Variants in C16orf78 observed in about 807,000 individuals in gnomAD.
The protein encoded by C16orf78 is uncharacterized protein C16orf78.
Under a neutral mutation model 27.3 loss-of-function variants are expected in C16orf78, and 19 were observed. The observed-to-expected ratio is 0.70, with a 90% CI of 0.49 to 1.02. The LOEUF (loss-of-function observed/expected upper bound fraction) is 1.02, where lower values mean the gene tolerates loss of function less well. C16orf78 is among the 50% of genes least tolerant of loss of function. The pLI is 0.00. For synonymous variants in C16orf78, 130 were observed against 116.1 expected (o/e 1.12, Z -0.77); for missense variants, 339 against 337.0 (o/e 1.01, Z -0.05).
chr16:49,396,797 T>A, intron 4 of C16orf78, 119 bp downstream of exon 4: 1 of 1,331,156 alleles, frequency 7.5e-7, no homozygotes, highest in Non-Finnish European at 1.0e-6. Flanking sequence ...GGGCTTGGTG[T>A]GGCTGAGCTC....
At chr16:49,381,980 C>T (rs1266711165) in intron 3 of C16orf78, among the ~76,000 whole-genome samples, 2 of 151,840 alleles carry the variant, frequency 1.3e-5, no homozygotes, top group Non-Finnish European at 2.9e-5. Context: ...TTTATTGCGG[C>T]ATTATTCACA....
At chr16:49,395,665 A>G (rs1567395065) in intron 3 of C16orf78, among the ~76,000 whole-genome samples, 1 of 152,198 alleles carries the variant, frequency 6.6e-6, no homozygotes, top group Non-Finnish European at 1.5e-5. Flanking sequence ...GCCTTCACAC[A>G]TTCTGTTCCT....
At chr16:49,399,030 C>T (rs1198213406) in intron 4 of C16orf78, 101 bp from the exon 5 acceptor site, 15 of 1,303,366 alleles carry the variant, frequency 1.2e-5, no homozygotes, top group Non-Finnish European at 1.6e-5. Context: ...CCTTGCAGAG[C>T]ACCCACACTT....
chr16:49,398,152 T>C (rs1257804205), intron 4 of C16orf78, among the ~76,000 whole-genome samples: 2 of 152,038 alleles, frequency 1.3e-5, no homozygotes, highest in African/African-American at 4.8e-5. Flanking sequence ...AGTGTGGGGA[T>C]TGGTGAGGGG....
chr16:49,375,469 G>A (rs1381461879), intron 1 of C16orf78, among the ~76,000 whole-genome samples: 1 of 152,218 alleles, frequency 6.6e-6, no homozygotes, highest in East Asian at 1.9e-4. Context: ...CATGGCAAGA[G>A]CAAGAAGTGG....
At chr16:49,374,245 G>A (rs1005541499) in intron 1 of C16orf78, among the ~76,000 whole-genome samples, 156 bp downstream of exon 1, 2 of 152,160 alleles carry the variant, frequency 1.3e-5, no homozygotes, top group African/African-American at 4.8e-5. Flanking sequence ...TTAAGGGGGT[G>A]GGGGAATTAG....
intron 4 of C16orf78, among the ~76,000 whole-genome samples, 163 bp from the exon 5 acceptor site, chr16:49,398,968 C>T (rs1004795139): frequency 6.6e-6 from 1 of 152,148 alleles, no homozygotes; most frequent in African/African-American, 2.4e-5. Flanking sequence ...TGGGGTGTCC[C>T]ACTGTCTTAT....
At chr16:49,393,692 T>G (rs1368292486) in intron 3 of C16orf78, among the ~76,000 whole-genome samples, 2 of 151,978 alleles carry the variant, frequency 1.3e-5, no homozygotes, top group African/African-American at 4.8e-5. Context: ...GTTTAATAAG[T>G]AGAAGAAAGA....
At position 49,396,438 on chromosome 16, in the gene C16orf78, A is replaced by G. The variant is rs1469907544; in HGVS notation, c.410A>G (p.Asp137Gly). Residue 137 changes from aspartate (D) to glycine (G), a missense_variant, in exon 4 of 5, where the codon GAT becomes GGT. Coordinates refer to ENST00000299191, the MANE Select transcript of C16orf78 (RefSeq NM_144602.4). ...GPKKSDTDIKDAVDPESTQRP... is the reference protein window; with the variant it reads ...GPKKSDTDIKGAVDPESTQRP... ...CCAATTTCAGATACAGACATCAAGG[A>G]TGCAGTCGACCCAGAGTCCACTCAG... is the stretch of plus-strand genomic sequence containing the variant. The G allele has an allele frequency of 3.7e-6, 6 of 1,614,108 alleles. No individual in the cohort carries two copies. The highest frequency in any genetic ancestry group is 1.7e-5 in the Admixed American group (1 of 60,020).
chr16:49,380,602 G>T (rs1226605623), intron 3 of C16orf78, among the ~76,000 whole-genome samples: 1 of 152,164 alleles, frequency 6.6e-6, no homozygotes, highest in Admixed American at 6.5e-5. Context: ...AAGGCTTGGG[G>T]TCAACAGAGG....
At position 49,374,072 on chromosome 16, in the gene C16orf78, A is replaced by C; in HGVS notation, c.133A>C (p.Lys45Gln). 2 of 1,614,134 alleles carry C rather than the reference A, an allele frequency of 1.2e-6. No individual in the cohort carries two copies. The highest frequency in any genetic ancestry group is 1.7e-6 in the Non-Finnish European group (2 of 1,180,008). The change falls in exon 1 of 5, where the codon AAG becomes CAG. Residue 45 changes from lysine (K) to glutamine (Q), a missense_variant. Transcript: ENST00000299191. ...LEWLERRQGK[K>Q]KQAPEKQKPK... The stretch of plus-strand genomic sequence containing the variant: ...GTGGCTGGAGCGGAGGCAGGGGAAG[A>C]AGAAACAAGCTCCCGAGGTGGGTAC...
chr16:49,397,651 G>T (rs1965490544), intron 4 of C16orf78, among the ~76,000 whole-genome samples: 1 of 152,194 alleles, frequency 6.6e-6, no homozygotes, highest in Middle Eastern at 3.2e-3. Flanking sequence ...CCATGGTGGG[G>T]GGAAAGAGAT....
Position 49,396,698 on chromosome 16 carries a change from G to T in C16orf78, c.650+20G>T. 2 of 1,599,744 alleles carry T rather than the reference G, an allele frequency of 1.3e-6. No homozygotes were observed. Among genetic ancestry groups the T allele is most frequent in the African/African-American group, 2.7e-5 (2 of 74,908 alleles). Reference sequence around the variant, plus strand: ...CTGCCGGTGAGAGCTGCCACCCCCTGGGCAGATGGGGTGGGGTCCTGGAAC... The same window carrying T: ...CTGCCGGTGAGAGCTGCCACCCCCTTGGCAGATGGGGTGGGGTCCTGGAAC... On this transcript the variant is annotated intron_variant, in intron 4 of 4. Transcript: ENST00000299191.
At chr16:49,376,673 C>T (rs1011647495) in intron 1 of C16orf78, among the ~76,000 whole-genome samples, 1 of 152,198 alleles carries the variant, frequency 6.6e-6, no homozygotes. Context: ...TCCCTTCCAC[C>T]CACCCCGCAT....
rs569241148 is a variant in C16orf78 at position 49,384,562 on chromosome 16, C to G, written c.394+5969C>G. Among the ~76,000 whole-genome samples, 128 of 151,680 alleles carry G rather than the reference C, an allele frequency of 8.4e-4. 1 individual carries two copies. Among genetic ancestry groups the G allele is most frequent in the Middle Eastern group, 3.4e-3 (1 of 292 alleles). ...AGAAAGCCAACAGACTTATGGTACA[C>G]TGGCAAGTGAAACAATACATATTAT... On this transcript the variant is annotated intron_variant, in intron 3 of 4. Coordinates refer to ENST00000299191, the MANE Select transcript of C16orf78 (RefSeq NM_144602.4).
At chr16:49,385,975 C>G (rs1412575169) in intron 3 of C16orf78, among the ~76,000 whole-genome samples, 1 of 152,142 alleles carries the variant, frequency 6.6e-6, no homozygotes. Context: ...ATGAGAGACT[C>G]ACTTTAGCTT....
chr16:49,377,718 CT>C lies in C16orf78; in HGVS notation c.151-11del, dbSNP rs1965237383. 6.2e-7 allele frequency: 1 copy of C among 1,600,678 alleles called. No individual in the cohort carries two copies. Among genetic ancestry groups the C allele is most frequent in the East Asian group, 2.2e-5 (1 of 44,642 alleles). On this transcript the variant is annotated splice_polypyrimidine_tract_variant and intron_variant, in intron 1 of 4. Transcript: ENST00000299191. ...AGCAGTGGCTGCAGGGCTCTCTTCC[CT>C]TGTCTTTTCAGAAGCAAAAGCCCAA... is the stretch of plus-strand genomic sequence containing the variant.
intron 3 of C16orf78, among the ~76,000 whole-genome samples, chr16:49,380,816 G>A (rs1289992314): frequency 5.3e-5 from 8 of 152,096 alleles, no homozygotes; most frequent in African/African-American, 1.9e-4. Flanking sequence ...TGTATAAGGT[G>A]TAAGGAAGGG....
chr16:49,396,678 G>A lies in C16orf78; in HGVS notation c.650G>A (p.Arg217Gln), dbSNP rs147852211. The A allele has an allele frequency of 2.2e-5, 35 of 1,605,208 alleles. No individual in the cohort carries two copies. The highest frequency in any genetic ancestry group is 1.7e-4 in the Middle Eastern group (1 of 5,936). Residue 217 changes from arginine to glutamine, a missense_variant and splice_region_variant, in exon 4 of 5, where the codon CGA becomes CAA. Physicochemically the swap from Arg to Gln is conservative, Grantham distance 43. Transcript: ENST00000299191. ...AAGCCAGAGGAGGTGCTGAGCTGCC[G>A]GTGAGAGCTGCCACCCCCTGGGCAG... ...MLKPEEVLSC[R>Q]YLRLSKENIR...
Sources: allele counts gnomAD v4.1 joint callset (sites outside exome capture counted in the v4.1 genomes callset), GRCh38; gene constraint gnomAD v4.1.1; transcripts MANE v1.5; gene names NCBI Gene and HGNC (gene_info 2026-07-23, HGNC 2026-07-21).